STAU2: variants seen among roughly 807,000 people sequenced by gnomAD.
The protein encoded by STAU2 is double-stranded RNA-binding protein Staufen homolog 2.
In STAU2, 20 loss-of-function variants were observed where a neutral mutation model predicts 65.9. The observed-to-expected ratio is 0.30, with a 90% CI of 0.21 to 0.44. The LOEUF (loss-of-function observed/expected upper bound fraction) is 0.44. Ranked by LOEUF, STAU2 falls within the 20% of genes least tolerant of loss-of-function variation. The pLI is 1.00. For missense variants in STAU2, 558 were observed against 683.9 expected, an observed-to-expected ratio of 0.82 and a Z score of 2.05; for synonymous variants, 232 against 233.9, an observed-to-expected ratio of 0.99 and a Z score of 0.07.
At chr8:73,455,214 G>A (rs1250030832) in intron 13 of STAU2, among the ~76,000 whole-genome samples, 3 of 152,114 alleles carry the variant, frequency 2.0e-5, no homozygotes, top group African/African-American at 4.8e-5. Context: ...CTGGCTCTGA[G>A]ACTCACAGCT....
chr8:73,486,657 ATTTTTTT>A (rs10616687), intron 13 of STAU2, among the ~76,000 whole-genome samples: 1 of 136,532 alleles, frequency 7.3e-6, no homozygotes, highest in African/African-American at 2.7e-5. Context: ...ATATATATAT[ATTTTTTT>A]TTTTTTTGAG....
At chr8:73,575,856 T>G (rs1809507644) in intron 12 of STAU2, among the ~76,000 whole-genome samples, 1 of 151,904 alleles carries the variant, frequency 6.6e-6, no homozygotes, top group Non-Finnish European at 1.5e-5. Flanking sequence ...AAGGTCAGGG[T>G]GGCCACTGCA....
intron 13 of STAU2, among the ~76,000 whole-genome samples, chr8:73,478,263 G>A (rs1011826192): frequency 1.7e-4 from 23 of 139,026 alleles, no homozygotes; most frequent in Admixed American, 2.3e-4. Context: ...ATTATCTTGG[G>A]CCACACATAA....
At chr8:73,611,774 G>A (rs1812484147) in intron 9 of STAU2, among the ~76,000 whole-genome samples, 1 of 151,960 alleles carries the variant, frequency 6.6e-6, no homozygotes, top group Admixed American at 6.5e-5. Context: ...TGCCTCCTAG[G>A]TTCAAGCGAT....
chr8:73,504,918 G>C (rs1430300462), intron 13 of STAU2, among the ~76,000 whole-genome samples: 1 of 151,940 alleles, frequency 6.6e-6, no homozygotes, highest in Admixed American at 6.6e-5. Context: ...CTATTCAGAA[G>C]AAAAAAGGCC....
intron 13 of STAU2, among the ~76,000 whole-genome samples, chr8:73,546,231 T>C (rs1806927249): frequency 1.4e-5 from 2 of 145,188 alleles, no homozygotes; most frequent in Non-Finnish European, 3.0e-5. Flanking sequence ...CCTCCCAAAG[T>C]ACTGGGATTA....
At chr8:73,441,995 C>G (rs1481789301) in intron 13 of STAU2, among the ~76,000 whole-genome samples, 2 of 152,116 alleles carry the variant, frequency 1.3e-5, no homozygotes, top group Non-Finnish European at 2.9e-5. Context: ...ACGATATCTT[C>G]TTTTAGTTAC....
chr8:73,725,932 TCAA>T (rs572584533), intron 3 of STAU2, among the ~76,000 whole-genome samples: 4 of 151,790 alleles, frequency 2.6e-5, no homozygotes, highest in South Asian at 4.2e-4. Context: ...AAGACCTGTC[TCAA>T]CAACAACAAC....
intron 9 of STAU2, among the ~76,000 whole-genome samples, chr8:73,607,992 T>C (rs1412585592): frequency 2.0e-5 from 3 of 152,154 alleles, no homozygotes; most frequent in South Asian, 2.1e-4. Context: ...TTCCGGATGA[T>C]TGCTGCCATT....
chr8:73,520,800 C>T (rs775564375), intron 13 of STAU2, among the ~76,000 whole-genome samples: 35 of 152,150 alleles, frequency 2.3e-4, no homozygotes, highest in Non-Finnish European at 4.1e-4. Flanking sequence ...TGGGAATAAC[C>T]TGAGTCCTTG....
At chr8:73,441,910 T>A (rs1351281551) in intron 13 of STAU2, among the ~76,000 whole-genome samples, 1 of 152,260 alleles carries the variant, frequency 6.6e-6, no homozygotes. Context: ...TAGGACAAAC[T>A]TTAATATTTT....
chr8:73,581,172 G>A (rs763985585), intron 12 of STAU2, among the ~76,000 whole-genome samples: 1 of 151,818 alleles, frequency 6.6e-6, no homozygotes, highest in African/African-American at 2.4e-5. Flanking sequence ...ATAAAGCTAG[G>A]GGCCAAAACA....
intron 13 of STAU2, among the ~76,000 whole-genome samples, chr8:73,450,235 T>C (rs1818732625): frequency 6.6e-6 from 1 of 152,250 alleles, no homozygotes; most frequent in Non-Finnish European, 1.5e-5. Flanking sequence ...TTAGCCAATG[T>C]TTTAAACACA....
Position 73,738,409 on chromosome 8 carries a change from T to A in STAU2, c.-83-60A>T, listed in dbSNP as rs996421299. The A allele has an allele frequency of 9.4e-6, 11 of 1,164,980 alleles. No homozygotes were observed. In the East Asian group the frequency reaches 2.7e-4, roughly 28 times the overall value. 72.2% of individuals were successfully genotyped at this position (1,164,980 alleles called of 1,614,324 possible). On this transcript the variant is annotated intron_variant, in intron 2 of 14. Coordinates refer to ENST00000524300, the MANE Select transcript of STAU2 (RefSeq NM_001164380.2). ...TAGCTGATAACCTCAATGACTGGTA[T>A]TTTAAACACATGCCCTTGATCAAAA...
At chr8:73,587,160 C>T (rs1411804801) in intron 11 of STAU2, among the ~76,000 whole-genome samples, 4 of 151,982 alleles carry the variant, frequency 2.6e-5, no homozygotes, top group African/African-American at 7.3e-5. Context: ...CTGGGAGGTA[C>T]AAGACAAGGG....
intron 13 of STAU2, among the ~76,000 whole-genome samples, chr8:73,544,115 A>G (rs1434422585): frequency 6.6e-6 from 1 of 152,156 alleles, no homozygotes; most frequent in African/African-American, 2.4e-5. Context: ...ACTTTTCAAC[A>G]TATGTAAATC....
intron 4 of STAU2, among the ~76,000 whole-genome samples, chr8:73,700,897 A>G (rs1820049978): frequency 6.6e-6 from 1 of 152,234 alleles, no homozygotes; most frequent in African/African-American, 2.4e-5. Flanking sequence ...AGAAACCAAA[A>G]CAACAGGGTA....
intron 3 of STAU2, chr8:73,732,546 ACCT>A (rs1806139991): frequency 6.6e-6 from 1 of 151,938 alleles, no homozygotes; most frequent in South Asian, 2.1e-4. Flanking sequence ...CACATTTTTA[ACCT>A]CCTTATGTTT....
At chr8:73,512,845 A>G (rs1379741763) in intron 13 of STAU2, among the ~76,000 whole-genome samples, 1 of 152,162 alleles carries the variant, frequency 6.6e-6, no homozygotes, top group African/African-American at 2.4e-5. Flanking sequence ...CGGTTATTGT[A>G]CTTTTCAACT....
Sources: allele counts gnomAD v4.1 joint callset (sites outside exome capture counted in the v4.1 genomes callset), GRCh38; gene constraint gnomAD v4.1.1; transcripts MANE v1.5; gene names NCBI Gene and HGNC (gene_info 2026-07-23, HGNC 2026-07-21).